Variants in PRKAR1B observed in about 807,000 individuals in gnomAD.
The protein encoded by PRKAR1B is protein kinase cAMP-dependent type I regulatory subunit beta.
PRKAR1B carries 22 observed loss-of-function variants against 46.5 expected under a neutral mutation model. The observed-to-expected ratio is 0.47, with a 90% CI of 0.34 to 0.68. The LOEUF (loss-of-function observed/expected upper bound fraction) is 0.68, where lower values mean the gene tolerates loss of function less well. PRKAR1B is among the 30% of genes least tolerant of loss of function. The probability of loss-of-function intolerance (pLI) is 0.01; values close to 1 mark genes in which losing one functional copy is unlikely to be tolerated. For synonymous variants in PRKAR1B, 259 were observed against 217.7 expected (o/e 1.19, Z -1.67); for missense variants, 445 against 535.6 (o/e 0.83, Z 1.67).
chr7:574,397 G>A lies in PRKAR1B; in HGVS notation c.891+4859C>T, dbSNP rs138237513. 1.2e-3 allele frequency among the ~76,000 whole-genome samples: 184 copies of A among 152,348 alleles called. 1 individual carries two copies. Among genetic ancestry groups the A allele is most frequent in the African/African-American group, 4.1e-3 (171 of 41,580 alleles). ...CTGGGTAGGGCCAGACAGGGCTGCA[G>A]GTCCAGTGTGGCCGGATGTCAGATT... On this transcript the variant is annotated intron_variant, in intron 9 of 10. Coordinates refer to ENST00000537384, the MANE Select transcript of PRKAR1B (RefSeq NM_001164760.2).
intron 4 of PRKAR1B, among the ~76,000 whole-genome samples, chr7:637,282 G>A (rs1784165801): frequency 6.6e-6 from 1 of 152,118 alleles, no homozygotes; most frequent in African/African-American, 2.4e-5. Flanking sequence ...AGCTGGGCAT[G>A]GTGGCGCACC....
intron 4 of PRKAR1B, among the ~76,000 whole-genome samples, chr7:614,352 T>G (rs747572710): frequency 6.6e-6 from 1 of 152,236 alleles, no homozygotes. Flanking sequence ...CTGGGTTGAA[T>G]GCCTTTCACC....
chr7:680,007 A>C (rs144251220), intron 3 of PRKAR1B, among the ~76,000 whole-genome samples: 10,279 of 151,874 alleles, frequency 0.068, 529 homozygotes, highest in Middle Eastern at 0.17. Context: ...AAATACAAAA[A>C]ATTAGCTGGG....
intron 1 of PRKAR1B, among the ~76,000 whole-genome samples, chr7:719,520 G>A (rs2128534314): frequency 1.3e-5 from 2 of 152,204 alleles, no homozygotes; most frequent in South Asian, 4.1e-4. Flanking sequence ...GTCACTATTT[G>A]GCCCAGGTGG....
intron 1 of PRKAR1B, among the ~76,000 whole-genome samples, chr7:719,998 G>C (rs1583461057): frequency 6.7e-6 from 1 of 149,918 alleles, no homozygotes; most frequent in African/African-American, 2.5e-5. Flanking sequence ...GCTATCTGCT[G>C]TTGATGGTAA....
chr7:570,342 A>C (rs998572707), intron 9 of PRKAR1B, among the ~76,000 whole-genome samples: 1 of 152,172 alleles, frequency 6.6e-6, no homozygotes, highest in African/African-American at 2.4e-5. Context: ...AGAATGTTAT[A>C]AAGCGACTTT....
Position 705,433 on chromosome 7 carries a change from C to T in PRKAR1B, c.177+5896G>A, listed in dbSNP as rs144698395. 1.1e-3 allele frequency among the ~76,000 whole-genome samples: 166 copies of T among 151,888 alleles called. 1 individual carries two copies. The highest frequency in any genetic ancestry group is 3.8e-3 in the African/African-American group (158 of 41,418). ...TGCCGATACTGAGGAACAAGAATCA[C>T]GGCTGCTTGGAACACGAGATAGGAC... On this transcript the variant is annotated intron_variant, in intron 2 of 10. Coordinates refer to ENST00000537384, the MANE Select transcript of PRKAR1B (RefSeq NM_001164760.2).
intron 1 of PRKAR1B, chr7:726,799 C>T: frequency 1.5e-6 from 2 of 1,302,570 alleles, no homozygotes; most frequent in East Asian, 3.1e-5. Flanking sequence ...GGCGGTGGAG[C>T]TGAGCCGCGC....
intron 4 of PRKAR1B, among the ~76,000 whole-genome samples, chr7:628,787 C>A (rs1783559269): frequency 6.6e-6 from 1 of 152,138 alleles, no homozygotes; most frequent in Non-Finnish European, 1.5e-5. Flanking sequence ...CCCTCCCTCG[C>A]CTTTTCCAAG....
rs189703967 is a variant in PRKAR1B, at chr7:644,943, G to C, written c.440+32286C>G. ...GGGAGATGTGAGACCCTGAAAAGGT[G>C]ACCCAAGACAAGCCTCTTCTCCGCA... is the stretch of plus-strand genomic sequence containing the variant. On this transcript the variant is annotated intron_variant, in intron 4 of 10. Transcript: ENST00000537384. The surrounding 1 kb of genome is among the most constrained non-coding windows in gnomAD (Gnocchi z 4.9). 2.7e-4 allele frequency among the ~76,000 whole-genome samples: 41 copies of C among 152,290 alleles called. No individual in the cohort carries two copies. Among genetic ancestry groups the C allele is most frequent in the Middle Eastern group, 3.4e-3 (1 of 294 alleles).
At chr7:660,342 C>T (rs954981707) in intron 4 of PRKAR1B, among the ~76,000 whole-genome samples, 3 of 152,030 alleles carry the variant, frequency 2.0e-5, no homozygotes, top group South Asian at 2.1e-4. Flanking sequence ...CCACAGGCCC[C>T]GCTCCAACGG....
chr7:693,352 C>T (rs369294141), intron 2 of PRKAR1B, among the ~76,000 whole-genome samples: 1 of 151,938 alleles, frequency 6.6e-6, no homozygotes. Context: ...GTGCAACCAC[C>T]ACCTCCATCC....
In PRKAR1B at chr7:644,013, G is replaced by A. The variant is rs1466117862; in HGVS notation, c.440+33216C>T. On this transcript the variant is annotated intron_variant, in intron 4 of 10. Transcript: ENST00000537384. This position sits in a 1 kb window ranked among gnomAD's most constrained non-coding sequence, Gnocchi z 4.9. ...TTCGAATTCCCACCCACAAACCCGTGAGCATGATGAAATGCCGGCTGCCCA... is the reference window on the plus strand; with the variant it reads ...TTCGAATTCCCACCCACAAACCCGTAAGCATGATGAAATGCCGGCTGCCCA... Among the ~76,000 whole-genome samples, 1 of 152,126 alleles carries A rather than the reference G, an allele frequency of 6.6e-6. No individual in the cohort carries two copies. The highest frequency in any genetic ancestry group is 1.9e-4 in the East Asian group (1 of 5,190).
chr7:627,059 G>C (rs899120329), intron 4 of PRKAR1B, among the ~76,000 whole-genome samples: 1 of 152,180 alleles, frequency 6.6e-6, no homozygotes, highest in Non-Finnish European at 1.5e-5. Context: ...ATTTTTAGTA[G>C]AGACAGGGTT....
At chr7:652,666 T>C (rs1784973529) in intron 4 of PRKAR1B, among the ~76,000 whole-genome samples, 1 of 152,228 alleles carries the variant, frequency 6.6e-6, no homozygotes, top group South Asian at 2.1e-4. Flanking sequence ...AGGCTCACCA[T>C]TTGTGATGTG....
At chr7:632,996 A>C (rs988636384) in intron 4 of PRKAR1B, among the ~76,000 whole-genome samples, 1 of 152,210 alleles carries the variant, frequency 6.6e-6, no homozygotes, top group African/African-American at 2.4e-5. Context: ...GGGCAGAGGG[A>C]AGCCAGGCGC....
intron 9 of PRKAR1B, among the ~76,000 whole-genome samples, chr7:552,557 G>C (rs192485774): frequency 2.0e-5 from 3 of 151,264 alleles, no homozygotes. Flanking sequence ...TGCTTCTCCC[G>C]TTCCCGGCAC....
chr7:702,834 G>GTAAA (rs1424234689), intron 2 of PRKAR1B, among the ~76,000 whole-genome samples: 4 of 151,690 alleles, frequency 2.6e-5, no homozygotes, highest in Non-Finnish European at 4.4e-5. Context: ...AAAAAAATAA[G>GTAAA]TAAATAAATA....
chr7:549,363 G>C lies in PRKAR1B; in HGVS notation c.*1067C>G, dbSNP rs925680700. ...CGCATCGTAACCGCCAGCAGGGGAGGGGCTGCAACGAGCAGCCTCGGACCA... is the reference window on the plus strand; with the variant it reads ...CGCATCGTAACCGCCAGCAGGGGAGCGGCTGCAACGAGCAGCCTCGGACCA... On this transcript the variant is annotated 3_prime_UTR_variant, in exon 11 of 11. Coordinates refer to ENST00000537384, the MANE Select transcript of PRKAR1B (RefSeq NM_001164760.2). 1 of 152,276 alleles carries C rather than the reference G, an allele frequency of 6.6e-6. No individual in the cohort carries two copies. The highest frequency in any genetic ancestry group is 1.5e-5 in the Non-Finnish European group (1 of 68,104). The allele number at this position is 152,276 out of a possible 1,614,324, so 9.4% of individuals were successfully genotyped here. A position where few individuals can be genotyped will look rare whatever the true frequency, so the allele number is the denominator to read the frequency against.
Sources: allele counts gnomAD v4.1 joint callset (sites outside exome capture counted in the v4.1 genomes callset), GRCh38; gene constraint gnomAD v4.1.1; non-coding constraint Gnocchi (gnomAD v3.1); transcripts MANE v1.5; gene names NCBI Gene and HGNC (gene_info 2026-07-23, HGNC 2026-07-21).